SNRK: variants seen among roughly 807,000 people sequenced by gnomAD.
The protein encoded by SNRK is SNF related kinase.
A neutral mutation model predicts 48.2 loss-of-function variants in SNRK; 3 were observed. The ratio of observed to expected loss-of-function variants is 0.06; its 90% CI spans 0.03 to 0.16. The LOEUF is 0.16. SNRK is among the 10% of genes least tolerant of loss of function. The probability of loss-of-function intolerance (pLI) is 1.00; values close to 1 mark genes in which losing one functional copy is unlikely to be tolerated. For synonymous variants in SNRK, 376 were observed against 366.1 expected, an observed-to-expected ratio of 1.03 and a Z score of -0.31; for missense variants, 627 against 976.0, an observed-to-expected ratio of 0.64 and a Z score of 4.76.
intron 1 of SNRK, among the ~76,000 whole-genome samples, chr3:43,298,716 A>G (rs980840527): frequency 3.9e-5 from 6 of 152,128 alleles, no homozygotes; most frequent in Admixed American, 2.0e-4. Flanking sequence ...TATTCATGTA[A>G]TAGTTTATTT....
intron 3 of SNRK, among the ~76,000 whole-genome samples, chr3:43,322,929 G>A (rs531674854): frequency 6.4e-4 from 67 of 104,752 alleles, no homozygotes; most frequent in Middle Eastern, 5.2e-3. Flanking sequence ...TACAGCCTGC[G>A]CGACAGAGTA....
chr3:43,332,126 T>G (rs1184613476), intron 3 of SNRK, 43 bp from the exon 4 acceptor site: 1 of 1,375,714 alleles, frequency 7.3e-7, no homozygotes, highest in African/African-American at 1.5e-5. Context: ...GTTTTTGGTT[T>G]TCTAATTAGT....
intron 3 of SNRK, among the ~76,000 whole-genome samples, chr3:43,322,532 C>G (rs953123068): frequency 1.3e-5 from 2 of 152,020 alleles, no homozygotes; most frequent in African/African-American, 4.8e-5. Context: ...TGACAAACTC[C>G]CCTATAGACA....
At chr3:43,333,913 C>T (rs533029173) in intron 4 of SNRK, among the ~76,000 whole-genome samples, 1 of 151,856 alleles carries the variant, frequency 6.6e-6, no homozygotes, top group Admixed American at 6.6e-5. Context: ...TTAAGGAGGC[C>T]GAGACAGGCA....
intron 3 of SNRK, among the ~76,000 whole-genome samples, chr3:43,327,177 T>G (rs996234921): frequency 6.6e-6 from 1 of 152,228 alleles, no homozygotes; most frequent in African/African-American, 2.4e-5. Flanking sequence ...CAAGTAGTTC[T>G]TCTGTGTAAA....
intron 3 of SNRK, among the ~76,000 whole-genome samples, chr3:43,316,087 A>G (rs760991109): frequency 1.3e-5 from 2 of 152,232 alleles, no homozygotes; most frequent in Non-Finnish European, 2.9e-5. Context: ...GAGGTATTCT[A>G]TAGGTACCAT....
chr3:43,343,622 G>C, intron 6 of SNRK, 144 bp downstream of exon 6: 1 of 883,264 alleles, frequency 1.1e-6, no homozygotes, highest in South Asian at 1.7e-5. Flanking sequence ...CCACACACGG[G>C]CTCTTCAGGT....
intron 6 of SNRK, chr3:43,346,981 C>A: frequency 5.5e-6 from 1 of 181,440 alleles, no homozygotes; most frequent in Admixed American, 5.8e-5. Flanking sequence ...ACCAAAGAAA[C>A]AAGACGTGGT....
rs184784880 is a variant in SNRK at position 43,320,781 on chromosome 3, T to C, written c.590-11388T>C. 5.3e-5 allele frequency among the ~76,000 whole-genome samples: 8 copies of C among 152,234 alleles called. No individual in the cohort carries two copies. In the East Asian group the frequency reaches 1.5e-3, roughly 29 times the overall value. ...TTAGGTTTAATCATTTTTAGGAACA[T>C]TTGTGATCCATTGAAACTCCTGAGG... On this transcript the variant is annotated intron_variant, in intron 3 of 6. Coordinates refer to ENST00000296088, the MANE Select transcript of SNRK (RefSeq NM_017719.5).
At chr3:43,332,589 C>T (rs2091155002) in intron 4 of SNRK, 1 of 219,514 alleles carries the variant, frequency 4.6e-6, no homozygotes, top group South Asian at 1.8e-4. Flanking sequence ...CCTCTTCAAC[C>T]TTCAGGAGTG....
chr3:43,293,106 C>A (rs1480930869), intron 1 of SNRK, among the ~76,000 whole-genome samples: 1 of 151,932 alleles, frequency 6.6e-6, no homozygotes. Context: ...TTTTCTTTTT[C>A]TTTTTCTTCT....
rs969277891 is a variant in SNRK at position 43,350,322 on chromosome 3, TAGTG to T, written c.*1768_*1771del. On this transcript the variant is annotated 3_prime_UTR_variant, in exon 7 of 7. Transcript: ENST00000296088. ...AAATAAGATGTGTGGTTCACATAGA[TAGTG>T]AGCGTAACATCTGTATTAAACATAG... 10 of 152,740 alleles carry T rather than the reference TAGTG, an allele frequency of 6.5e-5. No individual in the cohort carries two copies. Among genetic ancestry groups the T allele is most frequent in the Admixed American group, 1.3e-4 (2 of 15,300 alleles). The allele number at this position is 152,740 out of a possible 1,614,324, so 9.5% of individuals were successfully genotyped here.
At chr3:43,323,095 GT>G (rs140725345) in intron 3 of SNRK, among the ~76,000 whole-genome samples, 3,791 of 152,034 alleles carry the variant, frequency 0.025, 162 homozygotes, top group African/African-American at 0.084. Flanking sequence ...AGAAATGGCC[GT>G]TTTTTTCAGC....
At chr3:43,318,459 A>G (rs922953458) in intron 3 of SNRK, among the ~76,000 whole-genome samples, 4 of 152,168 alleles carry the variant, frequency 2.6e-5, no homozygotes, top group South Asian at 2.1e-4. Context: ...TTTTAGTACA[A>G]AAATACATAT....
intron 2 of SNRK, among the ~76,000 whole-genome samples, chr3:43,300,556 T>C (rs111801806): frequency 4.3e-4 from 66 of 152,240 alleles, no homozygotes; most frequent in Middle Eastern, 3.4e-3. Context: ...ATTTTAAGCA[T>C]AATTATTGCC....
chr3:43,336,482 C>T (rs892263191), intron 4 of SNRK, among the ~76,000 whole-genome samples: 1 of 152,072 alleles, frequency 6.6e-6, no homozygotes. Context: ...CAGGTGTGTG[C>T]CACCATGCCT....
chr3:43,293,262 A>G (rs2090827283), intron 1 of SNRK, among the ~76,000 whole-genome samples: 1 of 152,072 alleles, frequency 6.6e-6, no homozygotes, highest in Non-Finnish European at 1.5e-5. Context: ...GTGAGCCACC[A>G]CGTTGGGCTG....
intron 3 of SNRK, among the ~76,000 whole-genome samples, chr3:43,306,245 A>G (rs1257357449): frequency 1.0e-5 from 1 of 99,348 alleles, no homozygotes; most frequent in Non-Finnish European, 2.0e-5. Context: ...AAAAAAAAGG[A>G]CAGGTGTCTT....
At chr3:43,312,871 A>C (rs6778197) in intron 3 of SNRK, among the ~76,000 whole-genome samples, 194 of 152,162 alleles carry the variant, frequency 1.3e-3, no homozygotes, top group African/African-American at 4.6e-3. Flanking sequence ...CATCTAACAG[A>C]ACACATCTAA....
Sources: allele counts gnomAD v4.1 joint callset (sites outside exome capture counted in the v4.1 genomes callset), GRCh38; gene constraint gnomAD v4.1.1; transcripts MANE v1.5; gene names NCBI Gene and HGNC (gene_info 2026-07-23, HGNC 2026-07-21).